KCNQ5: variants seen among roughly 807,000 people sequenced by gnomAD.
KCNQ5 encodes potassium voltage-gated channel subfamily KQT member 5.
A neutral mutation model predicts 98.2 loss-of-function variants in KCNQ5; 30 were observed. The observed-to-expected ratio is 0.31, with a 90% CI of 0.23 to 0.41. The LOEUF (loss-of-function observed/expected upper bound fraction) is 0.41, where lower values mean the gene tolerates loss of function less well. Among genes scored for constraint, KCNQ5 ranks in the 10% least tolerant of loss-of-function variants. The probability of loss-of-function intolerance (pLI) is 1.00; values close to 1 mark genes in which losing one functional copy is unlikely to be tolerated. For synonymous variants in KCNQ5, 458 were observed against 449.4 expected, an observed-to-expected ratio of 1.02 and a Z score of -0.24; for missense variants, 835 against 1,182.5, an observed-to-expected ratio of 0.71 and a Z score of 4.31.
chr6:72,888,626 A>T (rs1251862563), intron 1 of KCNQ5, among the ~76,000 whole-genome samples: 2 of 152,144 alleles, frequency 1.3e-5, no homozygotes, highest in Admixed American at 6.5e-5. Flanking sequence ...GGGGACCATA[A>T]AGTAGTGACA....
chr6:72,752,741 T>C (rs1582224065), intron 1 of KCNQ5, among the ~76,000 whole-genome samples: 2 of 152,118 alleles, frequency 1.3e-5, no homozygotes, highest in East Asian at 3.9e-4. Flanking sequence ...CTAGACTAAG[T>C]TATTTTGAAG....
chr6:72,776,142 AT>A (rs1469321622), intron 1 of KCNQ5, among the ~76,000 whole-genome samples: 1 of 152,158 alleles, frequency 6.6e-6, no homozygotes, highest in African/African-American at 2.4e-5. Flanking sequence ...TTAAAAGTGT[AT>A]TTAAAATAAT....
chr6:72,796,549 C>T (rs1289883922), intron 1 of KCNQ5, among the ~76,000 whole-genome samples: 1 of 152,226 alleles, frequency 6.6e-6, no homozygotes, highest in Non-Finnish European at 1.5e-5. Flanking sequence ...GACCATAGCA[C>T]TGTCCCTGTC....
At chr6:72,747,251 A>T (rs545508019) in intron 1 of KCNQ5, among the ~76,000 whole-genome samples, 3 of 152,326 alleles carry the variant, frequency 2.0e-5, no homozygotes, top group African/African-American at 4.8e-5. Context: ...ATTTATACTT[A>T]GCACTTCTTC....
intron 1 of KCNQ5, among the ~76,000 whole-genome samples, chr6:72,756,679 G>T (rs1190312442): frequency 1.3e-5 from 2 of 152,042 alleles, no homozygotes; most frequent in African/African-American, 4.8e-5. Flanking sequence ...ATATTTGGGG[G>T]TGATGGTATC....
At chr6:72,806,936 A>G (rs189515069) in intron 1 of KCNQ5, 237 of 353,992 alleles carry the variant, frequency 6.7e-4, no homozygotes, top group Middle Eastern at 3.2e-3. Flanking sequence ...TAAACAATAA[A>G]CATTCAGTTT....
At chr6:72,937,279 GGA>G (rs1407227841) in intron 1 of KCNQ5, among the ~76,000 whole-genome samples, 1 of 152,046 alleles carries the variant, frequency 6.6e-6, no homozygotes, top group Admixed American at 6.6e-5. Context: ...TGTAAGTCCT[GGA>G]CAAATTCAGC....
intron 1 of KCNQ5, among the ~76,000 whole-genome samples, chr6:72,706,319 AATTTAATATTTTAT>A (rs138608533): frequency 0.13 from 19,306 of 151,648 alleles, 2,093 homozygotes; most frequent in African/African-American, 0.29. Context: ...GATTCTGATA[AATTTAATATTTTAT>A]ATTTAATATT....
At chr6:72,837,155 G>T (rs189806392) in intron 1 of KCNQ5, among the ~76,000 whole-genome samples, 1 of 152,066 alleles carries the variant, frequency 6.6e-6, no homozygotes, top group Non-Finnish European at 1.5e-5. Flanking sequence ...ATAAAATTAC[G>T]TCATTATTCA....
intron 1 of KCNQ5, among the ~76,000 whole-genome samples, chr6:72,943,502 T>A (rs1766401586): frequency 6.6e-6 from 1 of 152,212 alleles, no homozygotes; most frequent in Non-Finnish European, 1.5e-5. Flanking sequence ...CACCTGTACT[T>A]ATTCATCAGA....
intron 10 of KCNQ5, among the ~76,000 whole-genome samples, chr6:73,162,869 C>G (rs1469518462): frequency 6.6e-6 from 1 of 152,106 alleles, no homozygotes; most frequent in Non-Finnish European, 1.5e-5. Context: ...CTCCCATATC[C>G]CAAAGCTGTG....
intron 1 of KCNQ5, among the ~76,000 whole-genome samples, chr6:72,687,644 A>G (rs1020410391): frequency 2.6e-5 from 4 of 152,198 alleles, no homozygotes; most frequent in African/African-American, 9.7e-5. Flanking sequence ...TGATGGATGT[A>G]AAGTAAGTTT....
At chr6:72,624,404 T>A (rs1475652282) in intron 1 of KCNQ5, among the ~76,000 whole-genome samples, 3 of 152,196 alleles carry the variant, frequency 2.0e-5, no homozygotes, top group East Asian at 1.9e-4. Context: ...TTTCTTTTTT[T>A]TATATTATGC....
intron 1 of KCNQ5, among the ~76,000 whole-genome samples, chr6:72,827,254 C>G (rs1207194895): frequency 6.6e-6 from 1 of 152,056 alleles, no homozygotes; most frequent in Non-Finnish European, 1.5e-5. Flanking sequence ...AGTGGCATTG[C>G]TGGATTATAT....
At chr6:73,120,710 A>C in intron 8 of KCNQ5, 133 bp downstream of exon 8, 1 of 454,460 alleles carries the variant, frequency 2.2e-6, no homozygotes, top group South Asian at 6.7e-5. Flanking sequence ...AAGAGATTCA[A>C]ACCTATTTAG....
chr6:73,106,037 G>A (rs776581041), intron 6 of KCNQ5, among the ~76,000 whole-genome samples: 2 of 151,986 alleles, frequency 1.3e-5, no homozygotes, highest in South Asian at 2.1e-4. Context: ...GCTTTTGTTC[G>A]CTCCATCTGG....
chr6:73,056,422 T>C (rs1772496808), intron 3 of KCNQ5, among the ~76,000 whole-genome samples: 1 of 152,088 alleles, frequency 6.6e-6, no homozygotes, highest in Non-Finnish European at 1.5e-5. Context: ...AAGTATAGTG[T>C]ATATAAATAA....
intron 1 of KCNQ5, among the ~76,000 whole-genome samples, chr6:72,697,006 C>T (rs1056085382): frequency 6.6e-6 from 1 of 152,120 alleles, no homozygotes; most frequent in South Asian, 2.1e-4. Context: ...TGAGGTCAAT[C>T]GCGGTATCAT....
intron 1 of KCNQ5, among the ~76,000 whole-genome samples, chr6:72,882,222 C>G (rs1470638401): frequency 1.3e-5 from 2 of 152,168 alleles, no homozygotes; most frequent in Admixed American, 1.3e-4. Flanking sequence ...TGTGATGCCA[C>G]TTCAAAGGCC....
Sources: allele counts gnomAD v4.1 joint callset (sites outside exome capture counted in the v4.1 genomes callset), GRCh38; gene constraint gnomAD v4.1.1; transcripts MANE v1.5; gene names NCBI Gene and HGNC (gene_info 2026-07-23, HGNC 2026-07-21).